Variants in FHIT observed in about 807,000 individuals in gnomAD.
FHIT encodes bis(5'-adenosyl)-triphosphatase.
A neutral mutation model predicts 17.9 loss-of-function variants in FHIT; 19 were observed. The ratio of observed to expected loss-of-function variants is 1.06; its 90% CI spans 0.74 to 1.56. The LOEUF is 1.56. FHIT is among the 40% of genes most tolerant of loss of function. FHIT has a pLI of 0.00. For synonymous variants in FHIT, 81 were observed against 69.7 expected, an observed-to-expected ratio of 1.16 and a Z score of -0.81; for missense variants, 248 against 189.2, an observed-to-expected ratio of 1.31 and a Z score of -1.82.
intron 7 of FHIT, among the ~76,000 whole-genome samples, chr3:59,948,533 A>AAAAT (rs558109020): frequency 2.9e-4 from 44 of 151,650 alleles, no homozygotes; most frequent in Admixed American, 5.9e-4. Flanking sequence ...ATAAAAATAA[A>AAAAT]AAAAAATAAA....
At chr3:60,173,911 A>ATTT (rs1559698600) in intron 5 of FHIT, among the ~76,000 whole-genome samples, 2 of 69,642 alleles carry the variant, frequency 2.9e-5, no homozygotes, top group Non-Finnish European at 5.4e-5. Context: ...ATATATATAT[A>ATTT]TATATGTTTT....
intron 5 of FHIT, among the ~76,000 whole-genome samples, chr3:60,239,855 A>G (rs1705037335): frequency 6.6e-6 from 1 of 152,158 alleles, no homozygotes; most frequent in South Asian, 2.1e-4. Flanking sequence ...AAATCTATAG[A>G]TACAGCATCT....
intron 3 of FHIT, among the ~76,000 whole-genome samples, chr3:60,917,692 T>A (rs1029869335): frequency 1.5e-4 from 23 of 152,208 alleles, no homozygotes; most frequent in Admixed American, 1.4e-3. Flanking sequence ...TGTCACCTCA[T>A]CACAAAGGAT....
At chr3:61,208,300 G>C (rs1302987001) in intron 1 of FHIT, among the ~76,000 whole-genome samples, 3 of 152,040 alleles carry the variant, frequency 2.0e-5, no homozygotes, top group African/African-American at 4.8e-5. Flanking sequence ...TGTTGATATG[G>C]GGTGGAGAGT....
rs562025690 is a variant in FHIT at position 60,922,257 on chromosome 3, T to C, written c.-110-100246A>G. Reference sequence around the variant, plus strand: ...TCCCGACTTGCTTGGGCACATTTGCTGGATAAATTGGCCTCTTTACCTTCA... The same window carrying C: ...TCCCGACTTGCTTGGGCACATTTGCCGGATAAATTGGCCTCTTTACCTTCA... On this transcript the variant is annotated intron_variant, in intron 3 of 9. Transcript: ENST00000492590. Among the ~76,000 whole-genome samples the C allele has an allele frequency of 1.2e-4, 19 of 152,354 alleles. No individual in the cohort carries two copies. In the East Asian group the frequency reaches 3.7e-3, roughly 29 times the overall value.
chr3:60,632,863 G>T (rs567954812), intron 4 of FHIT, among the ~76,000 whole-genome samples: 1 of 152,134 alleles, frequency 6.6e-6, no homozygotes, highest in Non-Finnish European at 1.5e-5. Flanking sequence ...GTTATTTCTA[G>T]ACCCAGAGGA....
intron 5 of FHIT, among the ~76,000 whole-genome samples, chr3:60,206,146 AAT>A (rs1308059281): frequency 0.015 from 1,882 of 123,074 alleles, 74 homozygotes; most frequent in African/African-American, 0.059. Flanking sequence ...AAAAAAAAAA[AAT>A]AAATAATAAT....
chr3:60,015,944 T>C (rs1700327980), intron 5 of FHIT, among the ~76,000 whole-genome samples: 1 of 152,260 alleles, frequency 6.6e-6, no homozygotes, highest in Non-Finnish European at 1.5e-5. Context: ...GCAAATTAAT[T>C]AGAAGAACAG....
At chr3:61,103,914 G>A (rs545468166) in intron 2 of FHIT, among the ~76,000 whole-genome samples, 17 of 132,492 alleles carry the variant, frequency 1.3e-4, no homozygotes, top group Admixed American at 1.1e-3. Flanking sequence ...CTTTCCATTT[G>A]TTTGGTAGAT....
chr3:60,740,238 G>C (rs1374945307), intron 4 of FHIT, among the ~76,000 whole-genome samples: 1 of 152,182 alleles, frequency 6.6e-6, no homozygotes, highest in Non-Finnish European at 1.5e-5. Flanking sequence ...TTTAGCCTAA[G>C]AGCATAAGCC....
chr3:59,891,197 G>A (rs1281810584), intron 8 of FHIT, among the ~76,000 whole-genome samples: 1 of 152,242 alleles, frequency 6.6e-6, no homozygotes, highest in African/African-American at 2.4e-5. Context: ...GTCCAGCTGG[G>A]GTCAGTTGCC....
Position 59,971,636 on chromosome 3 carries a change from T to A in FHIT, c.279+39735A>T, listed in dbSNP as rs1708188123. Among the ~76,000 whole-genome samples the A allele has an allele frequency of 2.6e-5, 4 of 152,270 alleles. No individual in the cohort carries two copies. The South Asian group carries it at 8.3e-4, about 32-fold the overall frequency. ...ATGCTCGACATTTTTCAATACCATG[T>A]GCATCAACCAATGGGAGAAAAGGGT... On this transcript the variant is annotated intron_variant, in intron 7 of 9. Coordinates refer to ENST00000492590, the MANE Select transcript of FHIT (RefSeq NM_002012.4).
intron 3 of FHIT, among the ~76,000 whole-genome samples, chr3:61,002,732 T>C (rs2031181389): frequency 6.6e-6 from 1 of 152,180 alleles, no homozygotes; most frequent in African/African-American, 2.4e-5. Flanking sequence ...GAAATCGTAA[T>C]AAAATTCTAG....
At chr3:61,078,097 C>G (rs553402664) in intron 2 of FHIT, among the ~76,000 whole-genome samples, 176 of 152,216 alleles carry the variant, frequency 1.2e-3, no homozygotes, top group African/African-American at 3.7e-3. Context: ...CGGGCAGTTG[C>G]TGGGGAGACC....
intron 4 of FHIT, among the ~76,000 whole-genome samples, chr3:60,641,440 A>G (rs936097935): frequency 2.6e-5 from 4 of 152,162 alleles, no homozygotes; most frequent in Non-Finnish European, 4.4e-5. Flanking sequence ...TAAAATACCC[A>G]CAGCATCAAA....
intron 4 of FHIT, among the ~76,000 whole-genome samples, chr3:60,538,594 T>C (rs2036070992): frequency 6.6e-6 from 1 of 151,994 alleles, no homozygotes; most frequent in African/African-American, 2.4e-5. Context: ...AAAACAGAGA[T>C]ATAGACCAAT....
At chr3:59,888,656 A>G (rs1703726075) in intron 8 of FHIT, among the ~76,000 whole-genome samples, 1 of 152,178 alleles carries the variant, frequency 6.6e-6, no homozygotes, top group South Asian at 2.1e-4. Flanking sequence ...ATCTAGGTAA[A>G]TATCACAGGG....
intron 8 of FHIT, among the ~76,000 whole-genome samples, chr3:59,849,687 T>C (rs1414680100): frequency 1.3e-5 from 2 of 152,200 alleles, no homozygotes; most frequent in African/African-American, 4.8e-5. Context: ...AAGGAGCTAG[T>C]TGTTTACCAA....
rs190518632 is a variant in FHIT at position 59,749,390 on chromosome 3, G to A, written c.*195C>T. On this transcript the variant is annotated 3_prime_UTR_variant, in exon 10 of 10. Coordinates refer to ENST00000492590, the MANE Select transcript of FHIT (RefSeq NM_002012.4). Reference sequence around the variant, plus strand: ...AACCTCAAATCTGCCTGTCTGAGCCGTTTAGGTCTAGGTATTTTAAGGGAG... The same window carrying A: ...AACCTCAAATCTGCCTGTCTGAGCCATTTAGGTCTAGGTATTTTAAGGGAG... 5.4e-4 allele frequency: 126 copies of A among 231,620 alleles called. 1 individual carries two copies. The highest frequency in any genetic ancestry group is 5.0e-4 in the Non-Finnish European group (58 of 117,074). 14.3% of individuals were successfully genotyped at this position (231,620 alleles called of 1,614,324 possible).
Sources: allele counts gnomAD v4.1 joint callset (sites outside exome capture counted in the v4.1 genomes callset), GRCh38; gene constraint gnomAD v4.1.1; transcripts MANE v1.5; gene names NCBI Gene and HGNC (gene_info 2026-07-23, HGNC 2026-07-21).